The following KIDINS220 variants were observed in gnomAD, a reference collection of about 807,000 sequenced individuals.
The protein encoded by KIDINS220 is kinase D interacting substrate 220.
KIDINS220 carries 63 observed loss-of-function variants against 157.6 expected under a neutral mutation model. That is an observed-to-expected ratio of 0.40 (90% CI 0.33 to 0.49). The LOEUF (loss-of-function observed/expected upper bound fraction) is 0.49. Ranked by LOEUF, KIDINS220 falls within the 20% of genes least tolerant of loss-of-function variation. The probability of loss-of-function intolerance (pLI) is 0.66; values close to 1 mark genes in which losing one functional copy is unlikely to be tolerated. For synonymous variants in KIDINS220, 732 were observed against 783.6 expected, an observed-to-expected ratio of 0.93 and a Z score of 1.10; for missense variants, 1,772 against 2,171.2, an observed-to-expected ratio of 0.82 and a Z score of 3.65.
At chr2:8,806,148 C>A in intron 7 of KIDINS220, 123 bp downstream of exon 7, 1 of 657,558 alleles carries the variant, frequency 1.5e-6, no homozygotes, top group Non-Finnish European at 2.7e-6. Context: ...TGCTTGTTTT[C>A]CTGTTACTAT....
intron 23 of KIDINS220, among the ~76,000 whole-genome samples, chr2:8,750,933 T>C (rs1667262155): frequency 6.6e-6 from 1 of 152,228 alleles, no homozygotes. Flanking sequence ...AGGTTTTATG[T>C]GTGTGCACGT....
intron 21 of KIDINS220, 89 bp downstream of exon 21, chr2:8,776,659 C>A: frequency 8.5e-7 from 1 of 1,172,876 alleles, no homozygotes; most frequent in African/African-American, 1.5e-5. Context: ...AACATATACA[C>A]ACAATACATA....
At chr2:8,775,680 C>A (rs1036504539) in intron 21 of KIDINS220, among the ~76,000 whole-genome samples, 2 of 152,152 alleles carry the variant, frequency 1.3e-5, no homozygotes, top group African/African-American at 4.8e-5. Flanking sequence ...ATATGAGACA[C>A]AGGGACAGAC....
chr2:8,789,677 C>G (rs994214734), intron 14 of KIDINS220, among the ~76,000 whole-genome samples: 2 of 152,070 alleles, frequency 1.3e-5, no homozygotes, highest in African/African-American at 4.8e-5. Context: ...ACAAGTAGTA[C>G]ATTAGTTTAT....
Position 8,827,081 on chromosome 2 carries a change from T to C in KIDINS220, c.13A>G (p.Ile5Val). Reference sequence around the variant, plus strand: ...ACATAATTTATGACGCTCTGTGATATCAAAACTGACATTTTCACAGAAAGC... The same window carrying C: ...ACATAATTTATGACGCTCTGTGATACCAAAACTGACATTTTCACAGAAAGC... MSVL[I>V]SQSVINYVEE... is the part of the protein sequence containing the mutation. Residue 5 changes from isoleucine to valine, a missense_variant, in exon 2 of 30, where the codon ATA (isoleucine) becomes GTA (valine). Physicochemically the swap from Ile to Val is conservative, Grantham distance 29. Transcript: ENST00000256707. 2 of 1,586,618 alleles carry C rather than the reference T, an allele frequency of 1.3e-6. No homozygotes were observed. Among genetic ancestry groups the C allele is most frequent in the Non-Finnish European group, 1.7e-6 (2 of 1,160,590 alleles).
intron 22 of KIDINS220, among the ~76,000 whole-genome samples, chr2:8,765,952 T>C (rs993076703): frequency 1.3e-5 from 2 of 152,302 alleles, no homozygotes; most frequent in African/African-American, 4.8e-5. Context: ...CCCAGGTTCA[T>C]TCCTATTCCC....
chr2:8,779,605 T>G, intron 18 of KIDINS220, 69 bp downstream of exon 18: 1 of 1,502,140 alleles, frequency 6.7e-7, no homozygotes, highest in South Asian at 1.3e-5. Context: ...TTTAGATATT[T>G]GTGAAGTCAA....
chr2:8,763,709 T>C (rs1669082113), intron 22 of KIDINS220, among the ~76,000 whole-genome samples: 1 of 152,136 alleles, frequency 6.6e-6, no homozygotes, highest in African/African-American at 2.4e-5. Flanking sequence ...TGACAACAAG[T>C]CTCTAAGAAG....
chr2:8,739,454 G>C (rs1252430625), intron 26 of KIDINS220, among the ~76,000 whole-genome samples: 1 of 152,024 alleles, frequency 6.6e-6, no homozygotes, highest in Non-Finnish European at 1.5e-5. Context: ...TTACCTGCTA[G>C]ACCTTTTCTA....
intron 17 of KIDINS220, among the ~76,000 whole-genome samples, chr2:8,781,152 TA>T (rs377045970): frequency 7.7e-3 from 2 of 260 alleles, no homozygotes; most frequent in Non-Finnish European, 0.019. Context: ...TATATATATA[TA>T]ATATATATAT....
intron 25 of KIDINS220, 59 bp from the exon 26 acceptor site, chr2:8,747,260 A>C: frequency 7.2e-7 from 1 of 1,389,972 alleles, no homozygotes; most frequent in African/African-American, 1.4e-5. Flanking sequence ...CCAAACTGTG[A>C]AGACAAATGA....
chr2:8,737,478 A>G (rs1249546259), intron 26 of KIDINS220, among the ~76,000 whole-genome samples: 2 of 152,278 alleles, frequency 1.3e-5, no homozygotes. Context: ...GACTACCTCA[A>G]TGGTTACAAG....
In KIDINS220 at chr2:8,731,706, C is replaced by T. The variant is rs754380842; in HGVS notation, c.4330G>A (p.Asp1444Asn). The T allele has an allele frequency of 4.3e-6, 7 of 1,614,210 alleles. No individual in the cohort carries two copies. The South Asian group carries it at 6.6e-5, about 15-fold the overall frequency. ...EKGKDSEPKPDDGRKSFLMKR... is the reference protein window; with the variant it reads ...EKGKDSEPKPNDGRKSFLMKR... ...ATTAGAAAGGACTTCCTCCCATCAT[C>T]GGGCTTTGGTTCACTATCCTTCCCC... Residue 1444 changes from aspartate (D) to asparagine (N), a missense_variant, in exon 30 of 30, where the codon GAT becomes AAT. Around this residue, in one of 3 missense-constraint regions of KIDINS220, gnomAD observed 793 missense variants for 885.5 expected, o/e 0.90. Coordinates refer to ENST00000256707, the MANE Select transcript of KIDINS220 (RefSeq NM_020738.4). The surrounding 1 kb of genome is among the most constrained non-coding windows in gnomAD (Gnocchi z 5.2).
chr2:8,727,737 T>C (rs1010055488), downstream of KIDINS220, among the ~76,000 whole-genome samples: 4 of 152,202 alleles, frequency 2.6e-5, no homozygotes, highest in African/African-American at 9.7e-5. Flanking sequence ...TCAAAATCAT[T>C]CTGACCACTA....
chr2:8,826,929 TAGC>T, intron 2 of KIDINS220, 54 bp downstream of exon 2: 1 of 926,848 alleles, frequency 1.1e-6, no homozygotes, highest in Non-Finnish European at 1.8e-6. Context: ...ATCCTATACA[TAGC>T]AGGCAGTCAA....
chr2:8,788,515 C>T, intron 15 of KIDINS220, 132 bp downstream of exon 15: 2 of 756,096 alleles, frequency 2.6e-6, no homozygotes, highest in South Asian at 3.6e-5. Context: ...GTGATCTGCC[C>T]ACCTTGGCCT....
At chr2:8,818,837 C>A in intron 2 of KIDINS220, 44 bp from the exon 3 acceptor site, 1 of 1,070,374 alleles carries the variant, frequency 9.3e-7, no homozygotes, top group Non-Finnish European at 1.4e-6. Context: ...AGTTACTGCA[C>A]TTTTACTAAA....
chr2:8,729,629 A>AT lies in KIDINS220; in HGVS notation c.*1090dup, dbSNP rs954411910. On this transcript the variant is annotated 3_prime_UTR_variant, in exon 30 of 30. Transcript: ENST00000256707. Reference sequence around the variant, plus strand: ...CCCTTGCTTTGTTACATGTTTCCAAATTTTTTTTTAAAAAGTATTTCCTTT... The same window carrying AT: ...CCCTTGCTTTGTTACATGTTTCCAAATTTTTTTTTTAAAAAGTATTTCCTTT... 47 of 977,604 alleles carry AT rather than the reference A, an allele frequency of 4.8e-5. No individual in the cohort carries two copies. The highest frequency in any genetic ancestry group is 1.4e-4 in the African/African-American group (8 of 56,904). 60.6% of individuals were successfully genotyped at this position (977,604 alleles called of 1,614,324 possible).
intron 22 of KIDINS220, among the ~76,000 whole-genome samples, chr2:8,756,523 A>C (rs978188193): frequency 1.3e-5 from 2 of 152,254 alleles, no homozygotes; most frequent in Non-Finnish European, 2.9e-5. Flanking sequence ...CTGCTATAAC[A>C]GAATACCATA....
Sources: gnomAD v4.1 joint callset for allele counts (sites outside exome capture counted in the v4.1 genomes callset) on GRCh38, gnomAD v4.1.1 for gene constraint, gnomAD v4.1.1 regional missense constraint, Gnocchi (gnomAD v3.1) non-coding constraint, MANE v1.5 for transcripts, NCBI Gene and HGNC (gene_info 2026-07-23, HGNC 2026-07-21) for gene names.